Variants in SLC7A8 observed in about 807,000 individuals in gnomAD.
The protein encoded by SLC7A8 is solute carrier family 7 member 8, also known as large neutral amino acids transporter small subunit 2.
A neutral mutation model predicts 51.2 loss-of-function variants in SLC7A8; 30 were observed. The observed-to-expected ratio is 0.59, with a 90% CI of 0.44 to 0.80. SLC7A8 has a LOEUF of 0.80. SLC7A8 is among the 30% of genes least tolerant of loss of function. The pLI is 0.00. For synonymous variants in SLC7A8, 257 were observed against 275.8 expected (o/e 0.93, Z 0.67); for missense variants, 612 against 674.4 (o/e 0.91, Z 1.03).
chr14:23,158,721 G>A (rs1285298337), intron 3 of SLC7A8, among the ~76,000 whole-genome samples: 1 of 152,156 alleles, frequency 6.6e-6, no homozygotes, highest in Non-Finnish European at 1.5e-5. Context: ...TTGATTTGGG[G>A]ACAAACTTGA....
chr14:23,161,655 G>A (rs1020655075), intron 3 of SLC7A8, among the ~76,000 whole-genome samples: 9 of 152,006 alleles, frequency 5.9e-5, no homozygotes, highest in Admixed American at 1.3e-4. Flanking sequence ...GAAAGATAGC[G>A]TCTACCAGTC....
chr14:23,144,909 G>A (rs1439095218), intron 3 of SLC7A8, among the ~76,000 whole-genome samples: 3 of 151,692 alleles, frequency 2.0e-5, no homozygotes, highest in Middle Eastern at 3.4e-3. Context: ...ATCTAATGTT[G>A]GGATGTATTT....
At chr14:23,179,388 A>G (rs1211007064) in intron 1 of SLC7A8, among the ~76,000 whole-genome samples, 1 of 152,158 alleles carries the variant, frequency 6.6e-6, no homozygotes, top group Non-Finnish European at 1.5e-5. Flanking sequence ...CTTGCTTTCA[A>G]TCATCCATGT....
intron 4 of SLC7A8, among the ~76,000 whole-genome samples, chr14:23,141,658 T>G (rs1308201146): frequency 2.6e-5 from 4 of 152,220 alleles, no homozygotes; most frequent in South Asian, 4.1e-4. Context: ...TTCATCATGT[T>G]GGCCAGGTTG....
intron 8 of SLC7A8, 151 bp from the exon 9 acceptor site, chr14:23,129,950 C>T (rs1430956371): frequency 1.4e-6 from 1 of 725,498 alleles, no homozygotes; most frequent in Non-Finnish European, 2.3e-6. Flanking sequence ...CCTAGTAACC[C>T]AATATGTTAC....
chr14:23,132,274 C>G (rs988594073), intron 7 of SLC7A8, among the ~76,000 whole-genome samples: 4 of 151,820 alleles, frequency 2.6e-5, no homozygotes, highest in African/African-American at 9.7e-5. Flanking sequence ...AGTGCTGGGA[C>G]TACAGGCGTG....
At chr14:23,172,535 T>C (rs1184595521) in intron 1 of SLC7A8, among the ~76,000 whole-genome samples, 3 of 152,146 alleles carry the variant, frequency 2.0e-5, no homozygotes, top group Admixed American at 6.5e-5. Flanking sequence ...GGCTGAGTGT[T>C]GCGCCCTCAA....
chr14:23,168,781 C>T (rs1277186353), intron 1 of SLC7A8, among the ~76,000 whole-genome samples: 1 of 152,158 alleles, frequency 6.6e-6, no homozygotes, highest in African/African-American at 2.4e-5. Context: ...AACACTGCAG[C>T]AGGGATCAGT....
In SLC7A8 at chr14:23,152,483, G is replaced by C. The variant is rs140554195; in HGVS notation, c.509-9279C>G. 2.6e-5 allele frequency among the ~76,000 whole-genome samples: 4 copies of C among 151,592 alleles called. No homozygotes were observed. The East Asian group carries it at 7.8e-4, about 30-fold the overall frequency. ...CATCCAGGCTGGAGTGCAGTGGCAT[G>C]ATGATGGCTCACTGCAGTCTCAACC... On this transcript the variant is annotated intron_variant, in intron 3 of 10. Coordinates refer to ENST00000316902, the MANE Select transcript of SLC7A8 (RefSeq NM_012244.4).
intron 3 of SLC7A8, among the ~76,000 whole-genome samples, chr14:23,152,546 G>C (rs1027131289): frequency 5.3e-5 from 8 of 151,802 alleles, no homozygotes; most frequent in Admixed American, 2.0e-4. Context: ...TCAGCCTCCT[G>C]AGTAGCTGAG....
In SLC7A8 at chr14:23,140,560, G is replaced by A. The variant is rs768855621; in HGVS notation, c.699C>T (p.Leu233=). 13 of 1,614,006 alleles carry A rather than the reference G, an allele frequency of 8.1e-6. No homozygotes were observed. Among genetic ancestry groups the A allele is most frequent in the East Asian group, 4.5e-5 (2 of 44,896 alleles). The part of the protein sequence containing the change: ...FENFQEPDIG[L]VALAFLQGSF... Reference sequence around the variant, plus strand: ...AGCCCTGAAGGAAAGCCAGTGCGACGAGGCCGATGTCAGGTTCCTGGAAAT... The same window carrying A: ...AGCCCTGAAGGAAAGCCAGTGCGACAAGGCCGATGTCAGGTTCCTGGAAAT... The change falls in exon 5 of 11, where the codon CTC becomes CTT. Residue 233 remains leucine, a synonymous_variant. Transcript: ENST00000316902.
At chr14:23,143,038 G>A in intron 4 of SLC7A8, 41 bp downstream of exon 4, 1 of 1,609,686 alleles carries the variant, frequency 6.2e-7, no homozygotes, top group Non-Finnish European at 8.5e-7. Flanking sequence ...CATGCAAGGG[G>A]AGGAAAGCTG....
In SLC7A8 at chr14:23,131,469, G is replaced by A; in HGVS notation, c.1105C>T (p.Leu369Phe). ...GCAGGAAGGGCCCTTACTGTGAAGA[G>A]CAGGGCTGGGATTGGGGTGCAGCGC... ...VKRCTPIPALLFTCISTLLML... is the reference protein window; with the variant it reads ...VKRCTPIPALFFTCISTLLML... Residue 369 changes from leucine to phenylalanine, a missense_variant, in exon 8 of 11, where the codon CTC becomes TTC. Physicochemically the swap from Leu to Phe is conservative, Grantham distance 22. Transcript: ENST00000316902. 1 of 1,601,644 alleles carries A rather than the reference G, an allele frequency of 6.2e-7. No homozygotes were observed. Among genetic ancestry groups the A allele is most frequent in the Non-Finnish European group, 8.5e-7 (1 of 1,174,192 alleles).
At chr14:23,159,409 G>T (rs912710862) in intron 3 of SLC7A8, among the ~76,000 whole-genome samples, 1 of 152,192 alleles carries the variant, frequency 6.6e-6, no homozygotes, top group Non-Finnish European at 1.5e-5. Context: ...TTGGATATAT[G>T]GGAATCAAAT....
Position 23,139,501 on chromosome 14 carries a change from C to A in SLC7A8, c.835G>T (p.Val279Leu), listed in dbSNP as rs2048722785. 2.5e-6 allele frequency: 4 copies of A among 1,614,022 alleles called. No individual in the cohort carries two copies. The highest frequency in any genetic ancestry group is 3.4e-6 in the Non-Finnish European group (4 of 1,180,014). Residue 279 changes from valine to leucine, a missense_variant, in exon 6 of 11, where the codon GTG becomes TTG. Val to Leu is a conservative substitution (Grantham distance 32, BLOSUM62 1). Coordinates refer to ENST00000316902, the MANE Select transcript of SLC7A8 (RefSeq NM_012244.4). ...TAAGCGACATTGGCAAAGACATACA[C>A]AAATGTGACCAGTGGGATGGAGATG... ...IFISIPLVTF[V>L]YVFANVAYVT...
intron 4 of SLC7A8, among the ~76,000 whole-genome samples, chr14:23,141,257 G>T (rs115699282): frequency 0.035 from 5,367 of 152,100 alleles, 127 homozygotes; most frequent in Middle Eastern, 0.12. Context: ...TGCACTCCAG[G>T]GTGGATGACA....
At chr14:23,148,082 TC>T (rs1181448578) in intron 3 of SLC7A8, among the ~76,000 whole-genome samples, 2 of 146,516 alleles carry the variant, frequency 1.4e-5, no homozygotes. Context: ...CTTCACTTCC[TC>T]CCCTTGGCAA....
intron 3 of SLC7A8, among the ~76,000 whole-genome samples, chr14:23,152,811 A>G (rs1030225387): frequency 6.6e-6 from 1 of 152,214 alleles, no homozygotes; most frequent in Non-Finnish European, 1.5e-5. Flanking sequence ...CAGGGAGCCA[A>G]TGAACATTCC....
chr14:23,180,120 A>G (rs376592757), intron 1 of SLC7A8, among the ~76,000 whole-genome samples: 5 of 152,022 alleles, frequency 3.3e-5, no homozygotes, highest in East Asian at 1.9e-4. Context: ...GTTAGCCAGG[A>G]TGGTCTTGAT....
Sources: gnomAD v4.1 joint callset for allele counts (sites outside exome capture counted in the v4.1 genomes callset) on GRCh38, gnomAD v4.1.1 for gene constraint, MANE v1.5 for transcripts, NCBI Gene and HGNC (gene_info 2026-07-23, HGNC 2026-07-21) for gene names.